TAFA5: variants seen among roughly 807,000 people sequenced by gnomAD.
TAFA5 encodes the protein TAFA chemokine like family member 5, also known as chemokine-like protein TAFA-5.
Under a neutral mutation model 15.3 loss-of-function variants are expected in TAFA5, and 6 were observed. The observed-to-expected ratio is 0.39, with a 90% CI of 0.21 to 0.77. The LOEUF is 0.77. TAFA5 is among the 30% of genes least tolerant of loss of function. The probability of loss-of-function intolerance (pLI) is 0.41; values close to 1 mark genes in which losing one functional copy is unlikely to be tolerated. For synonymous variants in TAFA5, 103 were observed against 80.7 expected (o/e 1.28, Z -1.48); for missense variants, 161 against 193.1 (o/e 0.83, Z 0.98).
chr22:48,525,024 G>C (rs761358349), intron 1 of TAFA5, among the ~76,000 whole-genome samples: 8 of 152,092 alleles, frequency 5.3e-5, no homozygotes, highest in Admixed American at 3.9e-4. Context: ...CCTGCCCTCA[G>C]CTTTTGTTCT....
chr22:48,536,189 G>GAC (rs375423557), intron 1 of TAFA5, among the ~76,000 whole-genome samples: 2 of 152,160 alleles, frequency 1.3e-5, no homozygotes, highest in East Asian at 1.9e-4. Context: ...CCCATGCCCC[G>GAC]ACACACACAC....
chr22:48,539,597 G>C, intron 1 of TAFA5: 1 of 420,422 alleles, frequency 2.4e-6, no homozygotes, highest in South Asian at 1.8e-5. Context: ...AAATCGGGAA[G>C]GACGAGGAAG....
In TAFA5 at chr22:48,601,528, T is replaced by C. The variant is rs141211090; in HGVS notation, c.113-45069T>C. ...TTTTAGTAGAGACAGGGTTTTACCA[T>C]GTTGGCCAGGCTGGTCTCAAACTCC... On this transcript the variant is annotated intron_variant, in intron 1 of 3. Coordinates refer to ENST00000402357, the MANE Select transcript of TAFA5 (RefSeq NM_001082967.3). Among the ~76,000 whole-genome samples, 680 of 152,222 alleles carry C rather than the reference T, an allele frequency of 4.5e-3. 11 individuals are homozygous for C. Among genetic ancestry groups the C allele is most frequent in the East Asian group, 0.029 (152 of 5,156 alleles).
chr22:48,528,003 C>T (rs1026406987), intron 1 of TAFA5, among the ~76,000 whole-genome samples: 2 of 152,246 alleles, frequency 1.3e-5, no homozygotes, highest in African/African-American at 4.8e-5. Context: ...TGTCATGTGA[C>T]CCTTGGTGCA....
chr22:48,611,772 C>T (rs1231936876), intron 1 of TAFA5, among the ~76,000 whole-genome samples: 2 of 152,214 alleles, frequency 1.3e-5, no homozygotes, highest in Non-Finnish European at 2.9e-5. Context: ...TTCAGTAAAG[C>T]ATGTGCAACA....
chr22:48,607,760 C>G (rs1925247025), intron 1 of TAFA5, among the ~76,000 whole-genome samples: 2 of 148,706 alleles, frequency 1.3e-5, no homozygotes, highest in African/African-American at 5.0e-5. Context: ...CCAGAAGGGT[C>G]TGCAGCAGGC....
intron 1 of TAFA5, among the ~76,000 whole-genome samples, chr22:48,528,449 A>G (rs912486429): frequency 6.6e-6 from 1 of 152,144 alleles, no homozygotes. Context: ...GCACCTCTGC[A>G]CCCTGCACTG....
chr22:48,732,887 C>G (rs1929908401), intron 3 of TAFA5, among the ~76,000 whole-genome samples: 1 of 152,218 alleles, frequency 6.6e-6, no homozygotes, highest in Non-Finnish European at 1.5e-5. Flanking sequence ...AGACCCTCCA[C>G]CAGCAAAGAG....
chr22:48,540,469 CT>C (rs960271321), intron 1 of TAFA5, among the ~76,000 whole-genome samples: 7 of 152,216 alleles, frequency 4.6e-5, no homozygotes, highest in Admixed American at 1.3e-4. Context: ...GCTCCAGTCC[CT>C]GGTCCCCTGA....
chr22:48,704,428 A>G (rs1450600696), intron 2 of TAFA5, among the ~76,000 whole-genome samples: 2 of 152,114 alleles, frequency 1.3e-5, no homozygotes, highest in Non-Finnish European at 2.9e-5. Context: ...TTCTGCAGGA[A>G]TAGAACAGAC....
intron 3 of TAFA5, among the ~76,000 whole-genome samples, chr22:48,728,535 T>G (rs1929771249): frequency 6.6e-6 from 1 of 152,240 alleles, no homozygotes; most frequent in African/African-American, 2.4e-5. Context: ...TTAAAGTGAT[T>G]TGAGCAGGGC....
At chr22:48,658,076 C>T (rs187888220) in intron 2 of TAFA5, among the ~76,000 whole-genome samples, 34 of 152,310 alleles carry the variant, frequency 2.2e-4, no homozygotes, top group African/African-American at 7.9e-4. Context: ...TGAGGGGGCC[C>T]AGCATGTGGT....
chr22:48,670,632 A>G (rs1482043982), intron 2 of TAFA5, among the ~76,000 whole-genome samples: 2 of 152,258 alleles, frequency 1.3e-5, no homozygotes, highest in Non-Finnish European at 2.9e-5. Flanking sequence ...GTCGAACCCA[A>G]GGTCAAAGCT....
At chr22:48,663,768 A>G (rs1039258085) in intron 2 of TAFA5, among the ~76,000 whole-genome samples, 2 of 152,222 alleles carry the variant, frequency 1.3e-5, no homozygotes, top group African/African-American at 2.4e-5. Context: ...TGTCCAAGTC[A>G]GCTGCCTATT....
At chr22:48,716,238 A>G (rs569466378) in intron 3 of TAFA5, among the ~76,000 whole-genome samples, 3 of 152,322 alleles carry the variant, frequency 2.0e-5, no homozygotes, top group African/African-American at 7.2e-5. Context: ...TTGCAGCACT[A>G]TTTACAATAG....
chr22:48,580,556 T>C (rs1421062690), intron 1 of TAFA5, among the ~76,000 whole-genome samples: 1 of 152,180 alleles, frequency 6.6e-6, no homozygotes, highest in Non-Finnish European at 1.5e-5. Context: ...GTAGATGCCC[T>C]TGAGGTTTCC....
intron 1 of TAFA5, among the ~76,000 whole-genome samples, chr22:48,595,246 C>T (rs1391915985): frequency 2.6e-5 from 4 of 152,184 alleles, no homozygotes; most frequent in African/African-American, 9.6e-5. Context: ...TGGGAGGAGG[C>T]ACCACCACCA....
intron 1 of TAFA5, among the ~76,000 whole-genome samples, chr22:48,492,249 A>G (rs1475118485): frequency 2.6e-5 from 4 of 152,214 alleles, no homozygotes; most frequent in African/African-American, 7.2e-5. Flanking sequence ...TCTCGTTTGT[A>G]AATTGTTTTT....
At chr22:48,718,462 G>C in intron 3 of TAFA5, among the ~76,000 whole-genome samples, 1 of 152,162 alleles carries the variant, frequency 6.6e-6, no homozygotes, top group East Asian at 1.9e-4. Context: ...CACGCAAGCA[G>C]GGAGGGAGGA....
Sources: gnomAD v4.1 joint callset for allele counts (sites outside exome capture counted in the v4.1 genomes callset) on GRCh38, gnomAD v4.1.1 for gene constraint, MANE v1.5 for transcripts, NCBI Gene and HGNC (gene_info 2026-07-23, HGNC 2026-07-21) for gene names.